The following SLC8A1 variants were observed in gnomAD, a reference collection of about 807,000 sequenced individuals.
SLC8A1 encodes the protein solute carrier family 8 member A1, also known as sodium/calcium exchanger 1.
A neutral mutation model predicts 68.3 loss-of-function variants in SLC8A1; 18 were observed. The observed-to-expected ratio is 0.26, with a 90% confidence interval of 0.18 to 0.39. The LOEUF is 0.39. Among genes scored for constraint, SLC8A1 ranks in the 10% least tolerant of loss-of-function variants. The pLI is 1.00. For missense variants in SLC8A1, 985 were observed against 1,156.7 expected, an observed-to-expected ratio of 0.85 and a Z score of 2.15; for synonymous variants, 475 against 415.5, an observed-to-expected ratio of 1.14 and a Z score of -1.74.
chr2:40,212,642 T>C (rs1413909773), intron 2 of SLC8A1, among the ~76,000 whole-genome samples: 1 of 152,182 alleles, frequency 6.6e-6, no homozygotes, highest in East Asian at 1.9e-4. Context: ...TCTATAAATC[T>C]GCTGCCTTCT....
Position 40,137,432 on chromosome 2 carries a change from A to G in SLC8A1, c.2437+1969T>C, listed in dbSNP as rs1045897937. ...TTGCCTTTATGATCATTATTTGCAC[A>G]TATTCTCCTCAGAGACTAAACCCAT... On this transcript the variant is annotated intron_variant, in intron 7 of 7. Coordinates refer to ENST00000406785, the Ensembl canonical transcript of SLC8A1. Among the ~76,000 whole-genome samples the G allele has an allele frequency of 2.0e-5, 3 of 152,194 alleles. No homozygotes were observed. In the South Asian group the frequency reaches 6.2e-4, roughly 32 times the overall value.
At chr2:40,384,864 T>G (rs1203856339) in intron 2 of SLC8A1, among the ~76,000 whole-genome samples, 1 of 152,090 alleles carries the variant, frequency 6.6e-6, no homozygotes, top group African/African-American at 2.4e-5. Flanking sequence ...GTCAGATGAG[T>G]CAAGGCTTTA....
intron 2 of SLC8A1, chr2:40,250,497 A>T (rs191614938): frequency 2.6e-5 from 4 of 151,892 alleles, no homozygotes; most frequent in Admixed American, 2.0e-4. Flanking sequence ...CTCTGATACC[A>T]TGACAGGAAA....
intron 2 of SLC8A1, among the ~76,000 whole-genome samples, chr2:40,197,177 G>C (rs1026388038): frequency 1.1e-4 from 17 of 151,916 alleles, no homozygotes; most frequent in African/African-American, 3.9e-4. Context: ...GTTCCCATTT[G>C]GGGGCCAGAT....
intron 4 of SLC8A1, among the ~76,000 whole-genome samples, 169 bp downstream of exon 7, chr2:40,170,112 G>A (rs1363582819): frequency 5.3e-5 from 8 of 152,118 alleles, no homozygotes; most frequent in African/African-American, 9.7e-5. Flanking sequence ...CTGCCCTCAC[G>A]TGCTTGTGTT....
exon 8 of SLC8A1, chr2:40,098,522 T>G (rs368759335): frequency 2.0e-5 from 3 of 152,126 alleles, no homozygotes; most frequent in African/African-American, 4.8e-5. Flanking sequence ...CCATTCAAAG[T>G]GCTTGAAAGG....
intron 6 of SLC8A1, among the ~76,000 whole-genome samples, chr2:40,142,403 G>C (rs1175345980): frequency 6.6e-6 from 1 of 151,990 alleles, no homozygotes; most frequent in Non-Finnish European, 1.5e-5. Context: ...AAAAGCACTA[G>C]GTTTTCTAGT....
chr2:40,414,379 T>G (rs530304639), intron 2 of SLC8A1, among the ~76,000 whole-genome samples: 2 of 152,182 alleles, frequency 1.3e-5, no homozygotes, highest in Non-Finnish European at 2.9e-5. Context: ...TGTGACAGTG[T>G]GTCTGATGTG....
chr2:40,227,334 A>ACT, intron 2 of SLC8A1, among the ~76,000 whole-genome samples: 1 of 152,148 alleles, frequency 6.6e-6, no homozygotes, highest in East Asian at 1.9e-4. Flanking sequence ...AATGAGTACC[A>ACT]CACTCTGTGA....
At chr2:40,383,473 G>A (rs1424918676) in intron 2 of SLC8A1, among the ~76,000 whole-genome samples, 3 of 152,028 alleles carry the variant, frequency 2.0e-5, no homozygotes, top group African/African-American at 7.2e-5. Context: ...CTCAAGTTTA[G>A]TAATAAAAAT....
In SLC8A1 at chr2:40,493,523, TA is replaced by T. The variant is rs558097480; in HGVS notation, c.-25+18825del. Reference sequence around the variant, plus strand: ...AAATAAAATAAAATAAAATAAAATTTAAAAAAAAAGAAGCTTAGGTTCAGAA... The same window carrying T: ...AAATAAAATAAAATAAAATAAAATTTAAAAAAAAGAAGCTTAGGTTCAGAA... On this transcript the variant is annotated intron_variant, in intron 1 of 7. Transcript: ENST00000402441. 3.8e-3 allele frequency among the ~76,000 whole-genome samples: 560 copies of T among 149,060 alleles called. 4 individuals carry two copies. The highest frequency in any genetic ancestry group is 0.013 in the African/African-American group (533 of 40,572).
chr2:40,211,434 T>C (rs1286756013), intron 2 of SLC8A1, among the ~76,000 whole-genome samples: 2 of 152,210 alleles, frequency 1.3e-5, no homozygotes, highest in East Asian at 3.8e-4. Flanking sequence ...GCTAAAGGTA[T>C]AGATGGGAAA....
upstream of SLC8A1, among the ~76,000 whole-genome samples, chr2:40,452,918 T>A (rs565532832): frequency 1.5e-3 from 232 of 152,236 alleles, no homozygotes; most frequent in Admixed American, 2.7e-3. Flanking sequence ...AGCCGAGCAT[T>A]AAGGTTGAGT....
chr2:40,332,465 G>A (rs1362968295), intron 2 of SLC8A1, among the ~76,000 whole-genome samples: 1 of 152,172 alleles, frequency 6.6e-6, no homozygotes, highest in South Asian at 2.1e-4. Flanking sequence ...CCTTACTTAT[G>A]TATCTTTATC....
chr2:40,225,926 C>T (rs1470769484), intron 2 of SLC8A1, among the ~76,000 whole-genome samples: 4 of 152,158 alleles, frequency 2.6e-5, no homozygotes, highest in Non-Finnish European at 5.9e-5. Context: ...TTATACACTG[C>T]TTTGCAGACA....
At chr2:40,341,449 A>G (rs1667662658) in intron 2 of SLC8A1, among the ~76,000 whole-genome samples, 2 of 152,196 alleles carry the variant, frequency 1.3e-5, no homozygotes, top group Admixed American at 1.3e-4. Context: ...ATGAGATAGT[A>G]GTTCTGGGCA....
intron 2 of SLC8A1, among the ~76,000 whole-genome samples, chr2:40,367,095 A>G (rs1045850692): frequency 5.3e-5 from 8 of 152,026 alleles, no homozygotes; most frequent in African/African-American, 1.9e-4. Context: ...TAAAAACCAA[A>G]GAGTCATAAG....
At chr2:40,407,567 C>T (rs1690761589) in intron 2 of SLC8A1, among the ~76,000 whole-genome samples, 1 of 152,124 alleles carries the variant, frequency 6.6e-6, no homozygotes, top group Non-Finnish European at 1.5e-5. Context: ...ACAGCCTTTC[C>T]TTCCACACCA....
At chr2:40,323,074 G>A (rs1479297605) in intron 2 of SLC8A1, among the ~76,000 whole-genome samples, 3 of 152,096 alleles carry the variant, frequency 2.0e-5, no homozygotes, top group Admixed American at 2.0e-4. Flanking sequence ...AGAGATTACT[G>A]ACAGAAGGTA....
Sources: allele counts gnomAD v4.1 joint callset (sites outside exome capture counted in the v4.1 genomes callset), GRCh38; gene constraint gnomAD v4.1.1; transcripts MANE v1.5; gene names NCBI Gene and HGNC (gene_info 2026-07-23, HGNC 2026-07-21).